UNC5D: variants seen among roughly 807,000 people sequenced by gnomAD.
UNC5D encodes netrin receptor UNC5D.
Under a neutral mutation model 105.4 loss-of-function variants are expected in UNC5D, and 39 were observed. The observed-to-expected ratio is 0.37, with a 90% confidence interval of 0.29 to 0.48. The LOEUF is 0.48. UNC5D is among the 20% of genes least tolerant of loss of function. UNC5D has a pLI of 0.98. For missense variants in UNC5D, 991 were observed against 1,202.4 expected (o/e 0.82, Z 2.60); for synonymous variants, 452 against 450.4 (o/e 1.00, Z -0.04).
chr8:35,497,242 A>G (rs1255655932), intron 1 of UNC5D, among the ~76,000 whole-genome samples: 1 of 152,188 alleles, frequency 6.6e-6, no homozygotes, highest in Non-Finnish European at 1.5e-5. Context: ...CTGTGTCTTC[A>G]GAGATTAGGA....
At chr8:35,468,449 A>G (rs1809470619) in intron 1 of UNC5D, among the ~76,000 whole-genome samples, 1 of 152,190 alleles carries the variant, frequency 6.6e-6, no homozygotes, top group Non-Finnish European at 1.5e-5. Context: ...AAATGTGGAC[A>G]TTCAGTTCCC....
In UNC5D at chr8:35,734,383, T is replaced by C. The variant is rs1470434719; in HGVS notation, c.1766+3287T>C. On this transcript the variant is annotated intron_variant, in intron 11 of 16. Transcript: ENST00000404895. Reference sequence around the variant, plus strand: ...AAAAAGCCTGTCTCATTTCCCAAACTTTAATTTGAAAGACTTGGGGTATTT... The same window carrying C: ...AAAAAGCCTGTCTCATTTCCCAAACCTTAATTTGAAAGACTTGGGGTATTT... Among the ~76,000 whole-genome samples the C allele has an allele frequency of 2.0e-5, 3 of 148,058 alleles. No homozygotes were observed. In the East Asian group the frequency reaches 5.9e-4, roughly 29 times the overall value.
chr8:35,384,845 G>A (rs1286609704), intron 1 of UNC5D, among the ~76,000 whole-genome samples: 1 of 152,206 alleles, frequency 6.6e-6, no homozygotes, highest in East Asian at 1.9e-4. Flanking sequence ...GTTGACAGAA[G>A]TCTGGCAGCA....
chr8:35,336,200 T>G (rs561367346), intron 1 of UNC5D, among the ~76,000 whole-genome samples: 1 of 152,282 alleles, frequency 6.6e-6, no homozygotes, highest in East Asian at 1.9e-4. Context: ...AAAATGCAAT[T>G]TTGAAGCTGC....
intron 1 of UNC5D, among the ~76,000 whole-genome samples, chr8:35,286,938 C>G (rs1478833636): frequency 6.6e-6 from 1 of 152,198 alleles, no homozygotes; most frequent in Non-Finnish European, 1.5e-5. Context: ...TCAGTCATGG[C>G]TGCAGAGTCC....
chr8:35,299,594 C>T (rs1047295182), intron 1 of UNC5D, among the ~76,000 whole-genome samples: 1 of 152,144 alleles, frequency 6.6e-6, no homozygotes, highest in African/African-American at 2.4e-5. Context: ...ACTGACACAG[C>T]TCTTCTGGAG....
intron 3 of UNC5D, among the ~76,000 whole-genome samples, chr8:35,569,209 C>A (rs1261557380): frequency 6.6e-6 from 1 of 152,128 alleles, no homozygotes; most frequent in Non-Finnish European, 1.5e-5. Flanking sequence ...CTCCTCCTTG[C>A]AAATGTCTTC....
At chr8:35,697,236 C>T (rs1826848717) in intron 7 of UNC5D, among the ~76,000 whole-genome samples, 1 of 151,166 alleles carries the variant, frequency 6.6e-6, no homozygotes, top group South Asian at 2.1e-4. Context: ...ATATATTTAC[C>T]AGCTTCCAGA....
At chr8:35,351,275 T>C (rs898122676) in intron 1 of UNC5D, among the ~76,000 whole-genome samples, 1 of 151,950 alleles carries the variant, frequency 6.6e-6, no homozygotes, top group Non-Finnish European at 1.5e-5. Context: ...ACCCACATAA[T>C]CCCCTACATG....
At chr8:35,788,899 G>A (rs772408551) in intron 16 of UNC5D, among the ~76,000 whole-genome samples, 11 of 151,428 alleles carry the variant, frequency 7.3e-5, no homozygotes, top group Non-Finnish European at 1.2e-4. Flanking sequence ...ATTTTTTCCC[G>A]AGACAAATCT....
chr8:35,345,437 T>C (rs1405242213), intron 1 of UNC5D, among the ~76,000 whole-genome samples: 14 of 152,002 alleles, frequency 9.2e-5, no homozygotes. Flanking sequence ...TATGGGGCAT[T>C]TCTAGAAATA....
chr8:35,468,652 T>G (rs1053962417), intron 1 of UNC5D, among the ~76,000 whole-genome samples: 2 of 152,192 alleles, frequency 1.3e-5, no homozygotes, highest in African/African-American at 4.8e-5. Flanking sequence ...ATGTCACAAC[T>G]TGGAATGGTT....
At chr8:35,425,703 C>G (rs1806203081) in intron 1 of UNC5D, among the ~76,000 whole-genome samples, 1 of 152,200 alleles carries the variant, frequency 6.6e-6, no homozygotes, top group Admixed American at 6.5e-5. Flanking sequence ...GGCACCTTTT[C>G]TGCCAGTTCT....
At chr8:35,507,053 T>C (rs1431625357) in intron 1 of UNC5D, among the ~76,000 whole-genome samples, 2 of 127,266 alleles carry the variant, frequency 1.6e-5, no homozygotes, top group East Asian at 4.3e-4. Context: ...GCTTTTCTTT[T>C]TTTTTTTTTT....
At chr8:35,417,081 TACAA>T (rs1805578613) in intron 1 of UNC5D, among the ~76,000 whole-genome samples, 1 of 152,216 alleles carries the variant, frequency 6.6e-6, no homozygotes, top group African/African-American at 2.4e-5. Flanking sequence ...TTATTTGTGT[TACAA>T]ACAATCCAAC....
At chr8:35,303,195 T>G (rs1455574526) in intron 1 of UNC5D, among the ~76,000 whole-genome samples, 1 of 152,262 alleles carries the variant, frequency 6.6e-6, no homozygotes, top group East Asian at 1.9e-4. Context: ...GATGCTAAAT[T>G]TTCACTGGAA....
intron 1 of UNC5D, among the ~76,000 whole-genome samples, chr8:35,262,323 T>C (rs188453945): frequency 1.3e-4 from 20 of 152,330 alleles, no homozygotes; most frequent in Admixed American, 1.1e-3. Context: ...TCTTGGAAAC[T>C]ATAGTTATGG....
In UNC5D at chr8:35,664,175, T is replaced by C. The variant is rs559641629; in HGVS notation, c.571-19372T>C. 2.3e-4 allele frequency among the ~76,000 whole-genome samples: 35 copies of C among 152,340 alleles called. No homozygotes were observed. The South Asian group carries it at 7.0e-3, about 31-fold the overall frequency. ...CTTAACTCAAGAACTGCAGTTATTT[T>C]ATAGTTTTACCTATAAAATTATCAC... On this transcript the variant is annotated intron_variant, in intron 4 of 16. Coordinates refer to ENST00000404895, the MANE Select transcript of UNC5D (RefSeq NM_080872.4).
intron 2 of UNC5D, among the ~76,000 whole-genome samples, chr8:35,552,435 A>C (rs1319717838): frequency 6.6e-6 from 1 of 152,212 alleles, no homozygotes; most frequent in Non-Finnish European, 1.5e-5. Context: ...ATTGAAGTAC[A>C]TGGCTCATCA....
Sources: gnomAD v4.1 joint callset for allele counts (sites outside exome capture counted in the v4.1 genomes callset) on GRCh38, gnomAD v4.1.1 for gene constraint, MANE v1.5 for transcripts, NCBI Gene and HGNC (gene_info 2026-07-23, HGNC 2026-07-21) for gene names.